The following ALG12 variants were observed in gnomAD, a reference collection of about 807,000 sequenced individuals.
ALG12 encodes dol-P-Man:Man(7)GlcNAc(2)-PP-Dol alpha-1,6-mannosyltransferase.
Under a neutral mutation model 46.0 loss-of-function variants are expected in ALG12, and 36 were observed. That is an observed-to-expected ratio of 0.78 (90% confidence interval 0.60 to 1.03). ALG12 has a LOEUF of 1.03. Ranked by LOEUF, ALG12 falls within the 50% of genes least tolerant of loss-of-function variation. The probability of loss-of-function intolerance (pLI) is 0.00; values close to 1 mark genes in which losing one functional copy is unlikely to be tolerated. For missense variants in ALG12, 599 were observed against 633.5 expected (o/e 0.95, Z 0.58); for synonymous variants, 326 against 291.6 (o/e 1.12, Z -1.20).
At chr22:49,880,372 C>A in the ALG12 span, among the ~76,000 whole-genome samples, 1 of 152,242 alleles carries the variant, frequency 6.6e-6, no homozygotes, top group East Asian at 1.9e-4. Context: ...GAGGAACCTC[C>A]GCAGGTCTGC....
chr22:49,894,906 G>A, the ALG12 span, among the ~76,000 whole-genome samples: 1 of 152,248 alleles, frequency 6.6e-6, no homozygotes, highest in Admixed American at 6.5e-5. Context: ...CAAAGGCACT[G>A]CCCTGGGGGA....
Position 49,904,339 on chromosome 22 carries a change from G to A in ALG12, c.1160C>T (p.Thr387Ile), listed in dbSNP as rs765647735. Residue 387 changes from threonine to isoleucine, a missense_variant and splice_region_variant, in exon 8 of 10, where the codon ACA becomes ATA. Coordinates refer to ENST00000330817, the MANE Select transcript of ALG12 (RefSeq NM_024105.4). The part of the protein sequence containing the change: ...QRLHQLVPPQ[T>I]DVLLHIDVAA... Reference sequence around the variant, plus strand: ...CAGGCAGTGCCCCCAGCACCCACCTGTCTGGGGGGGCACCAGCTGGTGCAG... The same window carrying A: ...CAGGCAGTGCCCCCAGCACCCACCTATCTGGGGGGGCACCAGCTGGTGCAG... 1.2e-6 allele frequency: 2 copies of A among 1,614,176 alleles called. No individual in the cohort carries two copies. The highest frequency in any genetic ancestry group is 1.3e-5 in the African/African-American group (1 of 75,042).
chr22:49,885,897 C>T, the ALG12 span: 1 of 1,064,472 alleles, frequency 9.4e-7, no homozygotes, highest in Non-Finnish European at 1.4e-6. Context: ...AGTACCTGAC[C>T]CTCACGGCCC....
chr22:49,888,463 C>CT, the ALG12 span: 5 of 167,238 alleles, frequency 3.0e-5, no homozygotes, highest in African/African-American at 1.2e-4. Context: ...CAGACACTGG[C>CT]TTTTTATTTT....
At position 49,909,894 on chromosome 22, in the gene ALG12, C is replaced by G. The variant is rs1350539273; in HGVS notation, c.664G>C (p.Gly222Arg). The G allele has an allele frequency of 1.2e-6, 2 of 1,614,132 alleles. No homozygotes were observed. The highest frequency in any genetic ancestry group is 1.7e-6 in the Non-Finnish European group (2 of 1,180,022). ...HAVPAGILCLGLTVAVDSYFW... is the reference protein window; with the variant it reads ...HAVPAGILCLRLTVAVDSYFW... ...AAGCATCCCACAGTGACTGACTTAC[C>G]TAAACAGAGGATCCCTGCCGGGACG... Residue 222 changes from glycine (G) to arginine (R), a missense_variant and splice_region_variant, in exon 5 of 10, where the codon GGA becomes CGA. By Grantham distance (125) the Gly-to-Arg change is moderately radical. Coordinates refer to ENST00000330817, the MANE Select transcript of ALG12 (RefSeq NM_024105.4).
chr22:49,914,120 C>T (rs1022827148), intron 1 of ALG12, among the ~76,000 whole-genome samples: 1 of 152,164 alleles, frequency 6.6e-6, no homozygotes, highest in Non-Finnish European at 1.5e-5. Context: ...GCCTGGGCCA[C>T]GAGGGCAATG....
chr22:49,862,339 G>A, the ALG12 span, among the ~76,000 whole-genome samples: 3 of 152,210 alleles, frequency 2.0e-5, no homozygotes, highest in South Asian at 6.2e-4. Context: ...GATCTCCTGT[G>A]CTCAAGTCTC....
chr22:49,875,311 A>G, the ALG12 span, among the ~76,000 whole-genome samples: 5 of 151,846 alleles, frequency 3.3e-5, no homozygotes, highest in East Asian at 1.9e-4. Context: ...TTTTTCAACT[A>G]TAAGTTCAAT....
the ALG12 span, chr22:49,884,201 C>T: frequency 6.2e-7 from 1 of 1,606,286 alleles, no homozygotes; most frequent in South Asian, 1.1e-5. Flanking sequence ...TCTGCCGTGT[C>T]CTCGTTCCCC....
At chr22:49,879,157 AAAAC>A in the ALG12 span, among the ~76,000 whole-genome samples, 1 of 150,422 alleles carries the variant, frequency 6.6e-6, no homozygotes, top group Non-Finnish European at 1.5e-5. Context: ...AAAAAAACAA[AAAAC>A]AAAAAAAAAC....
In ALG12 at chr22:49,906,843, G is replaced by A. The variant is rs958034460; in HGVS notation, c.992+878C>T. Among the ~76,000 whole-genome samples the A allele has an allele frequency of 1.3e-5, 2 of 151,946 alleles. No individual in the cohort carries two copies. Among genetic ancestry groups the A allele is most frequent in the African/African-American group, 4.8e-5 (2 of 41,338 alleles). On this transcript the variant is annotated intron_variant, in intron 7 of 9. Coordinates refer to ENST00000330817, the MANE Select transcript of ALG12 (RefSeq NM_024105.4). The surrounding 1 kb of genome is among the most constrained non-coding windows in gnomAD (Gnocchi z 4.4). The stretch of plus-strand genomic sequence containing the variant: ...AGCAGTGATGGACTCTCCTGGGCCT[G>A]AGCCCCGGGTCCTTCCCCAGCACCC...
At chr22:49,917,500 G>A (rs977878718) in intron 1 of ALG12, among the ~76,000 whole-genome samples, 11 of 152,044 alleles carry the variant, frequency 7.2e-5, no homozygotes, top group African/African-American at 1.9e-4. Context: ...GTGAAACCCC[G>A]TCTCTACTAA....
chr22:49,883,656 G>A, the ALG12 span: 6 of 1,550,948 alleles, frequency 3.9e-6, no homozygotes, highest in Non-Finnish European at 5.3e-6. Flanking sequence ...AGTAGTTATG[G>A]TCAGTCATGG....
At chr22:49,866,487 G>C in the ALG12 span, among the ~76,000 whole-genome samples, 2 of 151,834 alleles carry the variant, frequency 1.3e-5, no homozygotes, top group South Asian at 4.1e-4. Flanking sequence ...CTTCATTCTT[G>C]AAGTCATATT....
In ALG12 at chr22:49,913,449, G is replaced by A. The variant is rs1569178013; in HGVS notation, c.231C>T (p.Phe77=). Residue 77 remains phenylalanine (F), a synonymous_variant, in exon 3 of 10, where the codon TTC becomes TTT. Coordinates refer to ENST00000330817, the MANE Select transcript of ALG12 (RefSeq NM_024105.4). ...TFLGPVVIAV[F]SSPAVYVLSL... ...AAAGCACGTAAACCGCGGGGCTGGA[G>A]AACACTGCGATCACCACTGGCCCGA... 3 of 1,614,018 alleles carry A rather than the reference G, an allele frequency of 1.9e-6. No homozygotes were observed. The highest frequency in any genetic ancestry group is 1.1e-5 in the South Asian group (1 of 91,086).
chr22:49,914,076 A>C (rs1004339785), intron 1 of ALG12, among the ~76,000 whole-genome samples: 8 of 152,214 alleles, frequency 5.3e-5, no homozygotes, highest in Non-Finnish European at 1.0e-4. Context: ...TCTAGGCAGA[A>C]GGATCTCAGT....
chr22:49,887,059 A>C, the ALG12 span: 1 of 1,614,164 alleles, frequency 6.2e-7, no homozygotes. Flanking sequence ...CCCTTCAGAA[A>C]AGCTGTTCAA....
the ALG12 span, among the ~76,000 whole-genome samples, chr22:49,869,648 T>G: frequency 6.6e-6 from 1 of 152,230 alleles, no homozygotes; most frequent in African/African-American, 2.4e-5. Flanking sequence ...ATTGGTTTTT[T>G]TCTTAAAATA....
chr22:49,904,031 C>G lies in ALG12; in HGVS notation c.1274G>C (p.Gly425Ala), dbSNP rs1453411608. The change falls in exon 10 of 10, where the codon GGC (glycine) becomes GCC (alanine). Residue 425 changes from glycine to alanine, a missense_variant. Physicochemically the swap from Gly to Ala is moderately conservative, Grantham distance 60. Transcript: ENST00000330817. Reference protein sequence around the residue: ...DKREDVQPGTGMLAYTHILME... With the variant: ...DKREDVQPGTAMLAYTHILME... ...GAGGATGTGTGTGTATGCCAGCATG[C>G]CTGTCCCCGGCTGCACATCCTCCCT... The G allele has an allele frequency of 1.2e-6, 2 of 1,614,066 alleles. No individual in the cohort carries two copies.
Sources: gnomAD v4.1 joint callset for allele counts (sites outside exome capture counted in the v4.1 genomes callset) on GRCh38, gnomAD v4.1.1 for gene constraint, Gnocchi (gnomAD v3.1) non-coding constraint, MANE v1.5 for transcripts, NCBI Gene and HGNC (gene_info 2026-07-23, HGNC 2026-07-21) for gene names.